The following NEDD9 variants were observed in gnomAD, a reference collection of about 807,000 sequenced individuals.
The protein encoded by NEDD9 is neural precursor cell expressed, developmentally down-regulated 9.
NEDD9 carries 26 observed loss-of-function variants against 76.6 expected under a neutral mutation model. The observed-to-expected ratio is 0.34, with a 90% CI of 0.25 to 0.47. The LOEUF is 0.47. Among genes scored for constraint, NEDD9 ranks in the 20% least tolerant of loss-of-function variants. NEDD9 has a pLI of 1.00. For missense variants in NEDD9, 937 were observed against 1,058.5 expected (o/e 0.89, Z 1.59); for synonymous variants, 392 against 414.2 (o/e 0.95, Z 0.65).
intron 3 of NEDD9, among the ~76,000 whole-genome samples, chr6:11,282,116 G>A (rs1760549201): frequency 6.6e-6 from 1 of 152,210 alleles, no homozygotes; most frequent in South Asian, 2.1e-4. Context: ...TTTTGGTCAA[G>A]ATTTCTGGTA....
chr6:11,275,058 T>C (rs1760388636), intron 3 of NEDD9, among the ~76,000 whole-genome samples: 2 of 152,196 alleles, frequency 1.3e-5, no homozygotes, highest in African/African-American at 4.8e-5. Context: ...AGTAGAATAC[T>C]ACATATCCTC....
At chr6:11,186,344 G>A (rs1757980717) in intron 6 of NEDD9, among the ~76,000 whole-genome samples, 1 of 152,162 alleles carries the variant, frequency 6.6e-6, no homozygotes, top group Non-Finnish European at 1.5e-5. Context: ...GTTAAAAGAA[G>A]GGGGTTTTAC....
chr6:11,211,138 T>C (rs2113756076), intron 2 of NEDD9, among the ~76,000 whole-genome samples: 1 of 152,340 alleles, frequency 6.6e-6, no homozygotes, highest in South Asian at 2.1e-4. Context: ...GAAAATGTTC[T>C]ACTGAGTGTA....
chr6:11,349,579 G>A (rs538674138), intron 1 of NEDD9, among the ~76,000 whole-genome samples: 14 of 152,298 alleles, frequency 9.2e-5, no homozygotes, highest in South Asian at 2.1e-4. Flanking sequence ...ACCATGGAAC[G>A]CTATGCAGCC....
chr6:11,238,646 C>T (rs1313612402), intron 3 of NEDD9, among the ~76,000 whole-genome samples: 2 of 152,166 alleles, frequency 1.3e-5, no homozygotes, highest in Non-Finnish European at 2.9e-5. Flanking sequence ...CCGCTTGTAC[C>T]CCATCTTCTT....
chr6:11,310,050 C>G (rs1761320316), intron 2 of NEDD9, among the ~76,000 whole-genome samples: 3 of 152,178 alleles, frequency 2.0e-5, no homozygotes, highest in Admixed American at 2.0e-4. Context: ...CATCCTTTCA[C>G]AGGGGTGTGT....
At chr6:11,355,230 C>A (rs980227568) in intron 1 of NEDD9, among the ~76,000 whole-genome samples, 8 of 151,892 alleles carry the variant, frequency 5.3e-5, no homozygotes, top group Non-Finnish European at 1.0e-4. Context: ...TATTTCAAAA[C>A]ACATAAAATA....
intron 3 of NEDD9, among the ~76,000 whole-genome samples, chr6:11,272,609 A>C (rs1760332368): frequency 6.6e-6 from 1 of 152,190 alleles, no homozygotes; most frequent in Non-Finnish European, 1.5e-5. Context: ...TTGCACTAAT[A>C]GTAGAAGGTG....
intron 2 of NEDD9, among the ~76,000 whole-genome samples, chr6:11,326,442 A>G (rs1274124112): frequency 6.6e-6 from 1 of 152,254 alleles, no homozygotes; most frequent in Non-Finnish European, 1.5e-5. Context: ...GTGGCAGACA[A>G]GGAAAAGGGT....
intron 2 of NEDD9, among the ~76,000 whole-genome samples, chr6:11,313,283 T>C (rs1474159594): frequency 6.8e-6 from 1 of 146,526 alleles, no homozygotes; most frequent in Non-Finnish European, 1.5e-5. Context: ...GAATAGAAAA[T>C]TGGGTGGATT....
chr6:11,330,539 A>G (rs942961581), intron 2 of NEDD9, among the ~76,000 whole-genome samples: 1 of 152,190 alleles, frequency 6.6e-6, no homozygotes, highest in African/African-American at 2.4e-5. Flanking sequence ...TTCTTTCCTC[A>G]TATACACTCT....
chr6:11,311,549 A>G (rs940297506), intron 2 of NEDD9, among the ~76,000 whole-genome samples: 4 of 152,200 alleles, frequency 2.6e-5, no homozygotes, highest in African/African-American at 9.6e-5. Context: ...CATCTTATGC[A>G]AGTTAGTTTG....
At chr6:11,251,426 A>C (rs1759911333) in intron 3 of NEDD9, 1 of 150,538 alleles carries the variant, frequency 6.6e-6, no homozygotes, top group Non-Finnish European at 1.5e-5. Context: ...GAAATTGACA[A>C]CCTCCCCTGT....
chr6:11,270,553 A>C (rs1471731890), intron 3 of NEDD9, among the ~76,000 whole-genome samples: 1 of 152,154 alleles, frequency 6.6e-6, no homozygotes, highest in Non-Finnish European at 1.5e-5. Flanking sequence ...ATCAGCCTCC[A>C]ATGACGTAGT....
At chr6:11,185,708 G>C (rs1320937648) in intron 6 of NEDD9, 37 bp from the exon 7 acceptor site, 3 of 1,606,562 alleles carry the variant, frequency 1.9e-6, no homozygotes, top group Non-Finnish European at 2.6e-6. Flanking sequence ...ATTAGAGCAA[G>C]GGAGTGTGTT....
chr6:11,269,442 T>C (rs563581952), intron 3 of NEDD9, among the ~76,000 whole-genome samples: 3 of 152,346 alleles, frequency 2.0e-5, no homozygotes, highest in South Asian at 2.1e-4. Context: ...TAAGTTGAGA[T>C]TGGCAGAGGG....
chr6:11,297,457 T>C (rs1760926395), intron 3 of NEDD9, among the ~76,000 whole-genome samples: 1 of 152,210 alleles, frequency 6.6e-6, no homozygotes, highest in African/African-American at 2.4e-5. Context: ...CCAGTGAATT[T>C]TTCTGTCCAT....
rs1229863185 is a variant in NEDD9 at position 11,190,839 on chromosome 6, C to A, written c.1030G>T (p.Val344Phe). Residue 344 changes from valine to phenylalanine, a missense_variant, in exon 5 of 7, where the codon GTT becomes TTT. Transcript: ENST00000379446. This position sits in a 1 kb window ranked among gnomAD's most constrained non-coding sequence, Gnocchi z 5.8. ...EKANPQERDGVYDVPLHNPPD... is the reference protein window; with the variant it reads ...EKANPQERDGFYDVPLHNPPD... The stretch of plus-strand genomic sequence containing the variant: ...GGGTTATGCAGAGGGACATCATAAA[C>A]ACCATCCCTTTCCTGGGGGTTTGCT... The A allele has an allele frequency of 6.2e-7, 1 of 1,614,174 alleles. No homozygotes were observed. The highest frequency in any genetic ancestry group is 1.7e-5 in the Admixed American group (1 of 60,028).
At chr6:11,277,739 A>G (rs75529318) in intron 3 of NEDD9, among the ~76,000 whole-genome samples, 10,847 of 152,200 alleles carry the variant, frequency 0.071, 402 homozygotes, top group Middle Eastern at 0.14. Flanking sequence ...GCATGTGGGA[A>G]CTTGAGGGGC....
Sources: gnomAD v4.1 joint callset for allele counts (sites outside exome capture counted in the v4.1 genomes callset) on GRCh38, gnomAD v4.1.1 for gene constraint, Gnocchi (gnomAD v3.1) non-coding constraint, MANE v1.5 for transcripts, NCBI Gene and HGNC (gene_info 2026-07-23, HGNC 2026-07-21) for gene names.